Variants in ELN observed in about 807,000 individuals in gnomAD.
The protein encoded by ELN is elastin.
Under a neutral mutation model 105.8 loss-of-function variants are expected in ELN, and 65 were observed. The ratio of observed to expected loss-of-function variants is 0.61; its 90% confidence interval spans 0.50 to 0.75. The LOEUF (loss-of-function observed/expected upper bound fraction) is 0.75. ELN is among the 30% of genes least tolerant of loss of function. The probability of loss-of-function intolerance (pLI) is 0.00; values close to 1 mark genes in which losing one functional copy is unlikely to be tolerated. For missense variants in ELN, 882 were observed against 969.4 expected, an observed-to-expected ratio of 0.91 and a Z score of 1.20; for synonymous variants, 368 against 389.2, an observed-to-expected ratio of 0.95 and a Z score of 0.64.
chr7:74,061,417 C>T (rs913133241), intron 26 of ELN, among the ~76,000 whole-genome samples: 7 of 149,442 alleles, frequency 4.7e-5, no homozygotes, highest in African/African-American at 1.5e-4. Context: ...TTTGGGAGGC[C>T]GAGGTGGGCA....
At chr7:74,049,813 C>A (rs1234275791) in intron 15 of ELN, among the ~76,000 whole-genome samples, 3 of 151,668 alleles carry the variant, frequency 2.0e-5, no homozygotes, top group African/African-American at 7.3e-5. Context: ...TGCATCCATT[C>A]CTCCATGCAT....
chr7:74,040,668 C>T (rs1315553422), intron 4 of ELN, among the ~76,000 whole-genome samples: 2 of 152,100 alleles, frequency 1.3e-5, no homozygotes, highest in Non-Finnish European at 2.9e-5. Context: ...CAGTGGGAGA[C>T]GAAGCGATTG....
chr7:74,055,420 ATAAAAAT>A (rs1442462605), intron 19 of ELN, among the ~76,000 whole-genome samples: 1 of 151,990 alleles, frequency 6.6e-6, no homozygotes, highest in Non-Finnish European at 1.5e-5. Flanking sequence ...TAAAATAAAA[ATAAAAAT>A]AAAAAATAAA....
At position 74,043,038 on chromosome 7, in the gene ELN, C is replaced by G; in HGVS notation, c.376+4C>G. 6.2e-7 allele frequency: 1 copy of G among 1,614,158 alleles called. No homozygotes were observed. Among genetic ancestry groups the G allele is most frequent in the Non-Finnish European group, 8.5e-7 (1 of 1,180,028 alleles). On this transcript the variant is annotated splice_donor_region_variant and intron_variant, in intron 7 of 32. Transcript: ENST00000252034. ...GGTGGCTTAGGAGTGTCTGCAGGTA[C>G]GATGGCTATCCCCGAACTCCCTGGG...
At chr7:74,065,571 G>T in intron 29 of ELN, 123 bp from the exon 30 acceptor site, 1 of 1,167,900 alleles carries the variant, frequency 8.6e-7, no homozygotes, top group South Asian at 1.3e-5. Flanking sequence ...CCGGGATCGC[G>T]CCACTGCACT....
intron 12 of ELN, 77 bp from the exon 13 acceptor site, chr7:74,047,580 CTTTAGCACCTGTGGGGGT>C: frequency 1.3e-6 from 2 of 1,564,892 alleles, no homozygotes; most frequent in Non-Finnish European, 1.8e-6. Flanking sequence ...AGGTCTCAAG[CTTTAGCACCTGTGGGGGT>C]AGATCTGTCC....
At position 74,034,491 on chromosome 7, in the gene ELN, C is replaced by T. The variant is rs530024922; in HGVS notation, c.83-873C>T. On this transcript the variant is annotated intron_variant, in intron 1 of 32. Transcript: ENST00000252034. ...CTTTAGGAGGCCAAGGCAGGAGGAT[C>T]GCTTCCAGGAGTTCCAGACCAGCCT... Among the ~76,000 whole-genome samples, 132 of 147,942 alleles carry T rather than the reference C, an allele frequency of 8.9e-4. 1 individual carries two copies. The highest frequency in any genetic ancestry group is 4.2e-3 in the East Asian group (20 of 4,812).
chr7:74,044,608 C>G (rs1346234227), intron 9 of ELN, among the ~76,000 whole-genome samples: 2 of 152,248 alleles, frequency 1.3e-5, no homozygotes, highest in Non-Finnish European at 2.9e-5. Flanking sequence ...CCCTCACCCT[C>G]CTTTCCCCTG....
At position 74,042,996 on chromosome 7, in the gene ELN, G is replaced by A. The variant is rs531401757; in HGVS notation, c.338G>A (p.Gly113Asp). ...CCTGGCTCTGCAGGCGCTGGGCTTG[G>A]TGGTGTCCCAGGAGTTGGTGGCTTA... ...YKAAKAGAGL[G>D]GVPGVGGLGV... The change falls in exon 7 of 33, where the codon GGT becomes GAT. Residue 113 changes from glycine to aspartate, a missense_variant. Coordinates refer to ENST00000252034, the MANE Select transcript of ELN (RefSeq NM_000501.4). 4 of 1,614,174 alleles carry A rather than the reference G, an allele frequency of 2.5e-6. No homozygotes were observed. Among genetic ancestry groups the A allele is most frequent in the East Asian group, 4.5e-5 (2 of 44,864 alleles).
chr7:74,028,193 G>A lies in ELN; in HGVS notation c.6G>A (p.Ala2=), dbSNP rs782540463. The change falls in exon 1 of 33, where the codon GCG becomes GCA. Residue 2 remains alanine (A), a synonymous_variant. Coordinates refer to ENST00000252034, the MANE Select transcript of ELN (RefSeq NM_000501.4). ...CTGGGGCATTTCTCCCCGAGATGGC[G>A]GGTCTGACGGCGGCGGCCCCGCGGC... is the stretch of plus-strand genomic sequence containing the variant. M[A]GLTAAAPRPG... 8.7e-6 allele frequency: 14 copies of A among 1,611,224 alleles called. No individual in the cohort carries two copies. Among genetic ancestry groups the A allele is most frequent in the African/African-American group, 1.3e-5 (1 of 74,702 alleles).
intron 8 of ELN, chr7:74,043,379 G>A: frequency 1.3e-6 from 1 of 775,542 alleles, no homozygotes; most frequent in Non-Finnish European, 2.2e-6. Flanking sequence ...CCGGGATCTT[G>A]GGGTAGAAAG....
intron 20 of ELN, 87 bp from the exon 21 acceptor site, chr7:74,056,585 C>CT: frequency 6.2e-7 from 1 of 1,608,860 alleles, no homozygotes; most frequent in Non-Finnish European, 8.5e-7. Context: ...GTATCCATGC[C>CT]TTACAGGGCA....
intron 21 of ELN, chr7:74,057,356 A>G (rs1554680785): frequency 6.8e-7 from 1 of 1,477,848 alleles, no homozygotes; most frequent in Non-Finnish European, 8.9e-7. Flanking sequence ...GGGAGGGGCA[A>G]GGCTGAAAGT....
At chr7:74,047,175 G>T (rs1792770660) in intron 12 of ELN, among the ~76,000 whole-genome samples, 1 of 152,210 alleles carries the variant, frequency 6.6e-6, no homozygotes, top group South Asian at 2.1e-4. Context: ...TGGTGGCAGG[G>T]AAGGGGTGTT....
intron 29 of ELN, among the ~76,000 whole-genome samples, chr7:74,065,067 C>CG (rs554989058): frequency 6.6e-6 from 1 of 151,164 alleles, no homozygotes; most frequent in Non-Finnish European, 1.5e-5. Context: ...GTAGCAAGAC[C>CG]CCCCCCCACC....
At chr7:74,057,165 G>A (rs1366431392) in intron 21 of ELN, among the ~76,000 whole-genome samples, 1 of 152,104 alleles carries the variant, frequency 6.6e-6, no homozygotes, top group African/African-American at 2.4e-5. Flanking sequence ...TTGAACCCGG[G>A]AGGTAGAGGC....
At chr7:74,052,144 C>A in intron 17 of ELN, 161 bp downstream of exon 17, 2 of 793,530 alleles carry the variant, frequency 2.5e-6, no homozygotes, top group Non-Finnish European at 4.0e-6. Context: ...ACCTGAGATG[C>A]CATCTCTATT....
At chr7:74,029,495 C>T (rs1388668266) in intron 1 of ELN, among the ~76,000 whole-genome samples, 1 of 150,166 alleles carries the variant, frequency 6.7e-6, no homozygotes, top group Non-Finnish European at 1.5e-5. Flanking sequence ...CTGGTTTCCT[C>T]GGGAGTCCTC....
At chr7:74,052,350 C>T (rs1794227449) in intron 17 of ELN, 1 of 283,842 alleles carries the variant, frequency 3.5e-6, no homozygotes, top group Admixed American at 4.7e-5. Context: ...CCTGTAATCC[C>T]AACAATTTGG....
Sources: allele counts gnomAD v4.1 joint callset (sites outside exome capture counted in the v4.1 genomes callset), GRCh38; gene constraint gnomAD v4.1.1; transcripts MANE v1.5; gene names NCBI Gene and HGNC (gene_info 2026-07-23, HGNC 2026-07-21).